RAB12: variants seen among roughly 807,000 people sequenced by gnomAD.
The protein encoded by RAB12 is RAB12, member RAS oncogene family, also known as ras-related protein Rab-12.
Under a neutral mutation model 28.4 loss-of-function variants are expected in RAB12, and 11 were observed. That is an observed-to-expected ratio of 0.39 (90% CI 0.24 to 0.64). The LOEUF is 0.64. RAB12 is among the 30% of genes least tolerant of loss of function. The pLI, the probability that RAB12 is intolerant of heterozygous loss-of-function variation, is 0.50. For synonymous variants in RAB12, 138 were observed against 145.3 expected (o/e 0.95, Z 0.36); for missense variants, 276 against 351.1 (o/e 0.79, Z 1.71).
At chr18:8,629,105 G>A (rs8096264) in intron 2 of RAB12, among the ~76,000 whole-genome samples, 1,707 of 152,196 alleles carry the variant, frequency 0.011, 32 homozygotes, top group African/African-American at 0.039. Context: ...TACTCAAATA[G>A]CACAGAATAT....
chr18:8,628,229 A>T (rs190623707), intron 2 of RAB12, among the ~76,000 whole-genome samples: 1 of 152,318 alleles, frequency 6.6e-6, no homozygotes, highest in Admixed American at 6.5e-5. Flanking sequence ...TAATTTTCTG[A>T]AAAGGAGAGA....
At chr18:8,617,303 G>A (rs1024759408) in intron 1 of RAB12, among the ~76,000 whole-genome samples, 4 of 152,172 alleles carry the variant, frequency 2.6e-5, no homozygotes, top group African/African-American at 9.7e-5. Context: ...ATATACAGAT[G>A]ATATAAATTT....
rs747731638 is a variant in RAB12 at position 8,609,830 on chromosome 18, C to A, written c.391C>A (p.Pro131Thr). The A allele has an allele frequency of 2.0e-6, 3 of 1,536,970 alleles. No individual in the cohort carries two copies. The highest frequency in any genetic ancestry group is 2.7e-5 in the East Asian group (1 of 37,022). ...SGGQGRRRKQ[P>T]PRPADFKLQV... Reference sequence around the variant, plus strand: ...CGGCCAGGGCCGCCGGAGGAAGCAGCCCCCCAGGCCGGCCGACTTCAAGTT... The same window carrying A: ...CGGCCAGGGCCGCCGGAGGAAGCAGACCCCCAGGCCGGCCGACTTCAAGTT... Residue 131 changes from proline to threonine, a missense_variant, in exon 1 of 6, where the codon CCC (proline) becomes ACC (threonine). This residue lies in a region of RAB12 where 76 missense variants were observed against 117.9 expected (regional missense o/e 0.64). Transcript: ENST00000649141.
At chr18:8,612,270 C>T (rs759619594) in intron 1 of RAB12, among the ~76,000 whole-genome samples, 1 of 152,190 alleles carries the variant, frequency 6.6e-6, no homozygotes, top group Admixed American at 6.5e-5. Context: ...AAGGCTTCCT[C>T]GTCATTGGAA....
At chr18:8,620,000 G>A (rs1479376528) in intron 1 of RAB12, among the ~76,000 whole-genome samples, 1 of 151,968 alleles carries the variant, frequency 6.6e-6, no homozygotes, top group African/African-American at 2.4e-5. Flanking sequence ...TAGTGACAGT[G>A]GTGTGCTTCT....
intron 2 of RAB12, 74 bp downstream of exon 2, chr18:8,625,072 A>T: frequency 1.0e-6 from 1 of 979,654 alleles, no homozygotes; most frequent in Non-Finnish European, 1.6e-6. Context: ...AATAAAATGA[A>T]CTGTTTGAGC....
chr18:8,616,647 C>T (rs1432637025), intron 1 of RAB12, among the ~76,000 whole-genome samples: 1 of 151,796 alleles, frequency 6.6e-6, no homozygotes, highest in Non-Finnish European at 1.5e-5. Context: ...CCTCAACACA[C>T]TTGTCGATTG....
intron 1 of RAB12, among the ~76,000 whole-genome samples, chr18:8,620,139 C>CTTTTTTTTTTTTTTTTTT (rs71165795): frequency 1.9e-3 from 104 of 53,896 alleles, no homozygotes; most frequent in East Asian, 2.5e-3. Context: ...TTTTCTTCTT[C>CTTTTTTTTTTTTTTTTTT]TTTTTTTTTT....
chr18:8,610,156 C>A lies in RAB12; in HGVS notation c.514+203C>A, dbSNP rs1265995960. 6 of 489,596 alleles carry A rather than the reference C, an allele frequency of 1.2e-5. No homozygotes were observed. In the East Asian group the frequency reaches 1.8e-4, roughly 15 times the overall value. 30.3% of individuals were successfully genotyped at this position (489,596 alleles called of 1,614,324 possible). ...GGTTTTCGTGCCGCCTCCGGGCAGA[C>A]CTGCCCTTGGCCCCCGGCCCTGCCT... On this transcript the variant is annotated intron_variant, in intron 1 of 5. Transcript: ENST00000649141.
At position 8,638,363 on chromosome 18, in the gene RAB12, A is replaced by G; in HGVS notation, c.*101A>G. ...TTGACAATTTCCTTTCGCACTTTGT[A>G]ATCCAAGTCAGAGCTATACACTAAC... On this transcript the variant is annotated 3_prime_UTR_variant, in exon 6 of 6. Coordinates refer to ENST00000649141, the MANE Select transcript of RAB12 (RefSeq NM_001025300.3). 2 of 806,972 alleles carry G rather than the reference A, an allele frequency of 2.5e-6. No homozygotes were observed. Among genetic ancestry groups the G allele is most frequent in the East Asian group, 2.6e-5 (1 of 37,758 alleles). 50.0% of individuals were successfully genotyped at this position (806,972 alleles called of 1,614,324 possible).
intron 2 of RAB12, among the ~76,000 whole-genome samples, chr18:8,628,715 T>C (rs992533374): frequency 2.0e-5 from 3 of 152,240 alleles, no homozygotes; most frequent in African/African-American, 7.2e-5. Flanking sequence ...GTTTCTAAGA[T>C]TCCTGAGTAT....
intron 1 of RAB12, among the ~76,000 whole-genome samples, chr18:8,619,578 TTC>T (rs1220772168): frequency 2.0e-5 from 3 of 152,200 alleles, no homozygotes; most frequent in Non-Finnish European, 4.4e-5. Context: ...TCTCACGCTT[TTC>T]TCTCTTTTCA....
At chr18:8,618,183 T>C (rs920718007) in intron 1 of RAB12, among the ~76,000 whole-genome samples, 11 of 152,258 alleles carry the variant, frequency 7.2e-5, no homozygotes, top group Admixed American at 3.9e-4. Context: ...AGTGCAAGGC[T>C]GTCTCCTTGT....
chr18:8,616,471 A>G (rs2096006722), intron 1 of RAB12, among the ~76,000 whole-genome samples: 1 of 151,904 alleles, frequency 6.6e-6, no homozygotes, highest in Non-Finnish European at 1.5e-5. Flanking sequence ...TTTCCCTCCA[A>G]CTCTGACAAA....
rs2096018299 is a variant in RAB12, at chr18:8,635,415, C to T, written c.715-118C>T. On this transcript the variant is annotated intron_variant, in intron 3 of 5. Transcript: ENST00000649141. ...CTGGGAACTGGTAGAACCTCAAAGA[C>T]AGTGGAAGTGAATGGACAAATGTAA... is the stretch of plus-strand genomic sequence containing the variant. 40 of 748,012 alleles carry T rather than the reference C, an allele frequency of 5.3e-5. No homozygotes were observed. The South Asian group carries it at 6.3e-4, about 12-fold the overall frequency. 46.3% of individuals were successfully genotyped at this position (748,012 alleles called of 1,614,324 possible). A position where few individuals can be genotyped will look rare whatever the true frequency, so the allele number is the denominator to read the frequency against.
rs956329416 is a variant in RAB12 at position 8,639,372 on chromosome 18, T to C, written c.*1110T>C. ...AATGAAGTGCAAATAAAATTTTGTATTTATGAATGAAGTTGAGTTGCCATA... is the reference window on the plus strand; with the variant it reads ...AATGAAGTGCAAATAAAATTTTGTACTTATGAATGAAGTTGAGTTGCCATA... On this transcript the variant is annotated 3_prime_UTR_variant, in exon 6 of 6. Coordinates refer to ENST00000649141, the MANE Select transcript of RAB12 (RefSeq NM_001025300.3). 2 of 152,418 alleles carry C rather than the reference T, an allele frequency of 1.3e-5. No individual in the cohort carries two copies. Among genetic ancestry groups the C allele is most frequent in the African/African-American group, 2.4e-5 (1 of 41,384 alleles). The allele number at this position is 152,418 out of a possible 1,614,324, so 9.4% of individuals were successfully genotyped here. A position where few individuals can be genotyped will look rare whatever the true frequency, so the allele number is the denominator to read the frequency against.
chr18:8,619,438 C>T (rs937393348), intron 1 of RAB12, among the ~76,000 whole-genome samples: 5 of 152,188 alleles, frequency 3.3e-5, no homozygotes, highest in East Asian at 1.9e-4. Flanking sequence ...AGAAATCTTA[C>T]AAGCACTAAG....
At chr18:8,622,068 T>C (rs1463643539) in intron 1 of RAB12, among the ~76,000 whole-genome samples, 19 of 152,164 alleles carry the variant, frequency 1.2e-4, no homozygotes, top group Admixed American at 1.2e-3. Context: ...AAAGGCAGTC[T>C]GACATATTCA....
In RAB12 at chr18:8,612,153, C is replaced by T. The variant is rs74935966; in HGVS notation, c.514+2200C>T. On this transcript the variant is annotated intron_variant, in intron 1 of 5. Coordinates refer to ENST00000649141, the MANE Select transcript of RAB12 (RefSeq NM_001025300.3). ...TCTGTCCAGAAGTGGATCGGAGCTT[C>T]TGGGAGCTGCGTGACCGCTTGTCAG... Among the ~76,000 whole-genome samples, 50 of 152,320 alleles carry T rather than the reference C, an allele frequency of 3.3e-4. No homozygotes were observed. In the East Asian group the frequency reaches 9.5e-3, roughly 29 times the overall value.
Sources: allele counts gnomAD v4.1 joint callset (sites outside exome capture counted in the v4.1 genomes callset), GRCh38; gene constraint gnomAD v4.1.1; regional missense constraint gnomAD v4.1.1; transcripts MANE v1.5; gene names NCBI Gene and HGNC (gene_info 2026-07-23, HGNC 2026-07-21).